AGPAT4: variants seen among roughly 807,000 people sequenced by gnomAD.
The protein encoded by AGPAT4 is 1-acylglycerol-3-phosphate O-acyltransferase 4.
AGPAT4 carries 15 observed loss-of-function variants against 48.0 expected under a neutral mutation model. That is an observed-to-expected ratio of 0.31 (90% CI 0.21 to 0.48). The LOEUF is 0.48. Ranked by LOEUF, AGPAT4 falls within the 20% of genes least tolerant of loss-of-function variation. The pLI is 0.99. For synonymous variants in AGPAT4, 178 were observed against 198.7 expected, an observed-to-expected ratio of 0.90 and a Z score of 0.88; for missense variants, 314 against 482.5, an observed-to-expected ratio of 0.65 and a Z score of 3.27.
Position 161,254,133 on chromosome 6 carries a change from A to AT in AGPAT4, c.-90+19804dup, listed in dbSNP as rs760395564. On this transcript the variant is annotated intron_variant, in intron 1 of 8. Coordinates refer to ENST00000320285, the MANE Select transcript of AGPAT4 (RefSeq NM_020133.3). The surrounding 1 kb of genome is among the most constrained non-coding windows in gnomAD (Gnocchi z 5.9). The stretch of plus-strand genomic sequence containing the variant: ...ATTTTCTAATTATTCTATCAAAAGT[A>AT]TTAACCACTTGGTCAATATATTTAA... 6.6e-6 allele frequency among the ~76,000 whole-genome samples: 1 copy of AT among 152,242 alleles called. No homozygotes were observed. Among genetic ancestry groups the AT allele is most frequent in the African/African-American group, 2.4e-5 (1 of 41,466 alleles).
chr6:161,143,808 C>T lies in AGPAT4; in HGVS notation c.843+2716G>A. On this transcript the variant is annotated intron_variant, in intron 7 of 8. Coordinates refer to ENST00000320285, the MANE Select transcript of AGPAT4 (RefSeq NM_020133.3). This position sits in a 1 kb window ranked among gnomAD's most constrained non-coding sequence, Gnocchi z 4.7. ...TGTGTCAGTGGTAGATGGCGAGTTT[C>T]TCTTTATTTATGTCCATGCTTGGAA... 1 of 222,704 alleles carries T rather than the reference C, an allele frequency of 4.5e-6. No individual in the cohort carries two copies. The highest frequency in any genetic ancestry group is 6.5e-5 in the South Asian group (1 of 15,408). 13.8% of individuals were successfully genotyped at this position (222,704 alleles called of 1,614,324 possible).
In AGPAT4 at chr6:161,146,994, A is replaced by G. The variant is rs1354176389; in HGVS notation, c.768-395T>C. On this transcript the variant is annotated intron_variant, in intron 6 of 8. Coordinates refer to ENST00000320285, the MANE Select transcript of AGPAT4 (RefSeq NM_020133.3). This position sits in a 1 kb window ranked among gnomAD's most constrained non-coding sequence, Gnocchi z 7.1. ...AATATACACAGAATCGATGCATCAG[A>G]GACAATAACCTAGTAATTTCTTCTT... 1.3e-5 allele frequency among the ~76,000 whole-genome samples: 2 copies of G among 152,194 alleles called. No homozygotes were observed. Among genetic ancestry groups the G allele is most frequent in the Non-Finnish European group, 1.5e-5 (1 of 68,028 alleles).
At chr6:161,167,081 C>T (rs1334522736) in intron 2 of AGPAT4, among the ~76,000 whole-genome samples, 1 of 152,206 alleles carries the variant, frequency 6.6e-6, no homozygotes, top group African/African-American at 2.4e-5. Context: ...GGAACCTATT[C>T]CCAATCTGGC....
At position 161,158,912 on chromosome 6, in the gene AGPAT4, CTA is replaced by C. The variant is rs1293062077; in HGVS notation, c.349-4604_349-4603del. Among the ~76,000 whole-genome samples, 1 of 152,188 alleles carries C rather than the reference CTA, an allele frequency of 6.6e-6. No homozygotes were observed. The highest frequency in any genetic ancestry group is 1.5e-5 in the Non-Finnish European group (1 of 68,044). ...AAGGAACCCCTCAGGGGCTGAGGCTCTATGGCCAGCTTTGTTTGCAAACGTCC... is the reference window on the plus strand; with the variant it reads ...AAGGAACCCCTCAGGGGCTGAGGCTCTGGCCAGCTTTGTTTGCAAACGTCC... On this transcript the variant is annotated intron_variant, in intron 3 of 8. Coordinates refer to ENST00000320285, the MANE Select transcript of AGPAT4 (RefSeq NM_020133.3). This position sits in a 1 kb window ranked among gnomAD's most constrained non-coding sequence, Gnocchi z 5.3.
chr6:161,177,971 T>C lies in AGPAT4; in HGVS notation c.179-11554A>G, dbSNP rs1780472789. ...GTGGAGGCTGCAGAACAGCAAATAT[T>C]ACAGAACAGCAAATGTTGCTGCCTG... is the stretch of plus-strand genomic sequence containing the variant. On this transcript the variant is annotated intron_variant, in intron 2 of 8. Coordinates refer to ENST00000320285, the MANE Select transcript of AGPAT4 (RefSeq NM_020133.3). This position sits in a 1 kb window ranked among gnomAD's most constrained non-coding sequence, Gnocchi z 5.0. Among the ~76,000 whole-genome samples, 1 of 152,198 alleles carries C rather than the reference T, an allele frequency of 6.6e-6. No individual in the cohort carries two copies. Among genetic ancestry groups the C allele is most frequent in the Non-Finnish European group, 1.5e-5 (1 of 68,042 alleles).
chr6:161,162,269 C>G (rs965637724), intron 3 of AGPAT4, among the ~76,000 whole-genome samples: 2 of 152,254 alleles, frequency 1.3e-5, no homozygotes, highest in African/African-American at 4.8e-5. Flanking sequence ...CCTGCACACC[C>G]TACCCCACAT....
chr6:161,149,422 C>T lies in AGPAT4; in HGVS notation c.665-133G>A, dbSNP rs1460233680. The T allele has an allele frequency of 1.4e-6, 1 of 711,854 alleles. No individual in the cohort carries two copies. The highest frequency in any genetic ancestry group is 1.8e-5 in the African/African-American group (1 of 55,758). The allele number at this position is 711,854 out of a possible 1,614,324, so 44.1% of individuals were successfully genotyped here. A position where few individuals can be genotyped will look rare whatever the true frequency, so the allele number is the denominator to read the frequency against. ...AGAAATGGTGTGGTCAGATTTCTTT[C>T]TTTCTATATGGTCCACATGTTCTAC... is the stretch of plus-strand genomic sequence containing the variant. On this transcript the variant is annotated intron_variant, in intron 5 of 8. Coordinates refer to ENST00000320285, the MANE Select transcript of AGPAT4 (RefSeq NM_020133.3). The surrounding 1 kb of genome is among the most constrained non-coding windows in gnomAD (Gnocchi z 6.5).
intron 2 of AGPAT4, among the ~76,000 whole-genome samples, chr6:161,207,903 G>C (rs1267928054): frequency 6.6e-6 from 1 of 152,128 alleles, no homozygotes; most frequent in South Asian, 2.1e-4. Context: ...CCCCAGCCAG[G>C]AGTGGAAAAC....
rs781281424 is a variant in AGPAT4 at position 161,249,508 on chromosome 6, A to G, written c.-89-17206T>C. 5.3e-5 allele frequency among the ~76,000 whole-genome samples: 8 copies of G among 152,216 alleles called. No homozygotes were observed. Among genetic ancestry groups the G allele is most frequent in the Non-Finnish European group, 1.0e-4 (7 of 68,036 alleles). ...CCCCATTAAAAAGTGGGCAAAGGAC[A>G]TGAACAGACACTTTTCAGAAGACAT... On this transcript the variant is annotated intron_variant, in intron 1 of 8. Transcript: ENST00000320285. This position sits in a 1 kb window ranked among gnomAD's most constrained non-coding sequence, Gnocchi z 6.2.
rs368203093 is a variant in AGPAT4 at position 161,169,471 on chromosome 6, C to T, written c.179-3054G>A. Among the ~76,000 whole-genome samples the T allele has an allele frequency of 1.2e-3, 179 of 151,906 alleles. 3 individuals are homozygous for T. In the East Asian group the frequency reaches 0.018, roughly 15 times the overall value. On this transcript the variant is annotated intron_variant, in intron 2 of 8. Coordinates refer to ENST00000320285, the MANE Select transcript of AGPAT4 (RefSeq NM_020133.3). This position sits in a 1 kb window ranked among gnomAD's most constrained non-coding sequence, Gnocchi z 5.0. ...GCTTGATTTCCCTTTTTTGTTTTTT[C>T]CTTTCTTTTTTTTGAGATGGTGTGT...
At chr6:161,273,472 T>G (rs183948856) in intron 1 of AGPAT4, among the ~76,000 whole-genome samples, 43 of 152,268 alleles carry the variant, frequency 2.8e-4, no homozygotes, top group Non-Finnish European at 4.9e-4. Context: ...GGCTGCATAT[T>G]GTGTAGTATT....
rs1487327969 is a variant in AGPAT4, at chr6:161,240,145, A to C, written c.-89-7843T>G. On this transcript the variant is annotated intron_variant, in intron 1 of 8. Coordinates refer to ENST00000320285, the MANE Select transcript of AGPAT4 (RefSeq NM_020133.3). This position sits in a 1 kb window ranked among gnomAD's most constrained non-coding sequence, Gnocchi z 5.5. ...CAGGATACAAAATCATGTGGAGAAA[A>C]TAATCACAACTCTAAAAAAAAAACC... is the stretch of plus-strand genomic sequence containing the variant. Among the ~76,000 whole-genome samples, 3 of 151,990 alleles carry C rather than the reference A, an allele frequency of 2.0e-5. No homozygotes were observed. The highest frequency in any genetic ancestry group is 4.4e-5 in the Non-Finnish European group (3 of 67,996).
rs1199433120 is a variant in AGPAT4 at position 161,231,134 on chromosome 6, T to A, written c.178+902A>T. ...TTAGTTGATGTTTTTAATAGACAAATTTTTAAAAAGCACATATTTTGAAAT... is the reference window on the plus strand; with the variant it reads ...TTAGTTGATGTTTTTAATAGACAAAATTTTAAAAAGCACATATTTTGAAAT... On this transcript the variant is annotated intron_variant, in intron 2 of 8. Transcript: ENST00000320285. This position sits in a 1 kb window ranked among gnomAD's most constrained non-coding sequence, Gnocchi z 5.3. Among the ~76,000 whole-genome samples, 1 of 152,212 alleles carries A rather than the reference T, an allele frequency of 6.6e-6. No homozygotes were observed. Among genetic ancestry groups the A allele is most frequent in the Non-Finnish European group, 1.5e-5 (1 of 68,024 alleles).
At position 161,233,109 on chromosome 6, in the gene AGPAT4, C is replaced by CCACACACACA. The variant is rs56226316; in HGVS notation, c.-89-817_-89-808dup. On this transcript the variant is annotated intron_variant, in intron 1 of 8. Coordinates refer to ENST00000320285, the MANE Select transcript of AGPAT4 (RefSeq NM_020133.3). This position sits in a 1 kb window ranked among gnomAD's most constrained non-coding sequence, Gnocchi z 5.4. ...AGACACATAGACACACACACAAACACCACACACACACACACACACACACAC... is the reference window on the plus strand; with the variant it reads ...AGACACATAGACACACACACAAACACCACACACACACACACACACACACACACACACACAC... Among the ~76,000 whole-genome samples, 1 of 147,302 alleles carries CCACACACACA rather than the reference C, an allele frequency of 6.8e-6. No individual in the cohort carries two copies. The highest frequency in any genetic ancestry group is 2.5e-5 in the African/African-American group (1 of 40,174).
rs560521035 is a variant in AGPAT4, at chr6:161,218,418, T to C, written c.178+13618A>G. Among the ~76,000 whole-genome samples the C allele has an allele frequency of 5.3e-5, 8 of 152,358 alleles. No homozygotes were observed. In the South Asian group the frequency reaches 8.3e-4, roughly 16 times the overall value. On this transcript the variant is annotated intron_variant, in intron 2 of 8. Transcript: ENST00000320285. The surrounding 1 kb of genome is among the most constrained non-coding windows in gnomAD (Gnocchi z 4.7). ...TGCACGACTCCCTCTGCTGGCATGA[T>C]GGTCTGACTAAGTGGGGAAATCACA...
rs563447276 is a variant in AGPAT4 at position 161,208,035 on chromosome 6, G to T, written c.178+24001C>A. Among the ~76,000 whole-genome samples the T allele has an allele frequency of 6.6e-6, 1 of 152,064 alleles. No individual in the cohort carries two copies. Among genetic ancestry groups the T allele is most frequent in the Non-Finnish European group, 1.5e-5 (1 of 68,006 alleles). ...AGGTAGAACAATGAGAGCTGAGAGA[G>T]ATGGTAATAACCCTTTCCTAGGCTT... On this transcript the variant is annotated intron_variant, in intron 2 of 8. Coordinates refer to ENST00000320285, the MANE Select transcript of AGPAT4 (RefSeq NM_020133.3). The surrounding 1 kb of genome is among the most constrained non-coding windows in gnomAD (Gnocchi z 4.6).
chr6:161,191,415 G>C (rs1304290072), intron 2 of AGPAT4, among the ~76,000 whole-genome samples: 1 of 152,190 alleles, frequency 6.6e-6, no homozygotes. Flanking sequence ...TATAAATTCA[G>C]TTGGAGAGAC....
chr6:161,241,882 A>C (rs549118409), intron 1 of AGPAT4, among the ~76,000 whole-genome samples: 16 of 152,180 alleles, frequency 1.1e-4, no homozygotes, highest in Non-Finnish European at 1.6e-4. Flanking sequence ...ACAGGCATGC[A>C]CTATCACGCT....
chr6:161,136,485 A>G lies in AGPAT4; in HGVS notation c.*55T>C. 1 of 1,519,600 alleles carries G rather than the reference A, an allele frequency of 6.6e-7. No homozygotes were observed. The highest frequency in any genetic ancestry group is 9.1e-7 in the Non-Finnish European group (1 of 1,096,310). 94.1% of individuals were successfully genotyped at this position (1,519,600 alleles called of 1,614,324 possible). A position where few individuals can be genotyped will look rare whatever the true frequency, so the allele number is the denominator to read the frequency against. On this transcript the variant is annotated 3_prime_UTR_variant, in exon 9 of 9. Transcript: ENST00000320285. ...GTCACCGTGTCCCACTAAGGAGGAT[A>G]TGCAGAGGCCACCAGTTCCCCAAGG... is the stretch of plus-strand genomic sequence containing the variant.
Sources: allele counts gnomAD v4.1 joint callset (sites outside exome capture counted in the v4.1 genomes callset), GRCh38; gene constraint gnomAD v4.1.1; non-coding constraint Gnocchi (gnomAD v3.1); transcripts MANE v1.5; gene names NCBI Gene and HGNC (gene_info 2026-07-23, HGNC 2026-07-21).